The following DOCK1 variants were observed in gnomAD, a reference collection of about 807,000 sequenced individuals.
DOCK1 encodes dedicator of cytokinesis protein 1.
Under a neutral mutation model 262.7 loss-of-function variants are expected in DOCK1, and 138 were observed. The ratio of observed to expected loss-of-function variants is 0.53; its 90% CI spans 0.46 to 0.61. DOCK1 has a LOEUF of 0.61. DOCK1 is among the 20% of genes least tolerant of loss of function. The pLI is 0.00. For missense variants in DOCK1, 1,908 were observed against 2,370.7 expected (o/e 0.80, Z 4.05); for synonymous variants, 866 against 867.4 (o/e 1.00, Z 0.03).
chr10:127,415,354 C>T, intron 44 of DOCK1, 116 bp downstream of exon 44: 2 of 955,114 alleles, frequency 2.1e-6, no homozygotes, highest in South Asian at 1.6e-5. Context: ...ACACAGCAGA[C>T]TCTACAGTTC....
At chr10:127,190,529 G>A (rs181974766) in intron 27 of DOCK1, among the ~76,000 whole-genome samples, 68 of 103,912 alleles carry the variant, frequency 6.5e-4, no homozygotes, top group Middle Eastern at 0.011. Context: ...GCTGTGAATC[G>A]CTTCATCCAA....
intron 46 of DOCK1, among the ~76,000 whole-genome samples, chr10:127,424,790 G>C (rs762439847): frequency 1.3e-5 from 2 of 152,142 alleles, no homozygotes; most frequent in Non-Finnish European, 2.9e-5. Context: ...GGCCAGAAAG[G>C]CCTGACATGT....
chr10:127,023,979 C>T (rs190237803), intron 14 of DOCK1, among the ~76,000 whole-genome samples: 68 of 152,304 alleles, frequency 4.5e-4, no homozygotes, highest in Middle Eastern at 3.4e-3. Context: ...CGTGCTCTAC[C>T]TACCGGCGAT....
intron 5 of DOCK1, among the ~76,000 whole-genome samples, chr10:126,989,380 G>A (rs970585124): frequency 3.9e-5 from 6 of 152,096 alleles, no homozygotes; most frequent in African/African-American, 1.2e-4. Flanking sequence ...AGGCTAGATT[G>A]CAGTGGCATG....
Position 127,017,111 on chromosome 10 carries a change from A to G in DOCK1, c.1202-1599A>G, listed in dbSNP as rs1213453855. Among the ~76,000 whole-genome samples, 18 of 148,138 alleles carry G rather than the reference A, an allele frequency of 1.2e-4. 1 individual carries two copies. The highest frequency in any genetic ancestry group is 1.2e-3 in the Admixed American group (18 of 14,822). ...ACCACAAACACATACACACCAACAC[A>G]TGATACACCATAAAAACAGACATAC... is the stretch of plus-strand genomic sequence containing the variant. On this transcript the variant is annotated intron_variant, in intron 12 of 51. Coordinates refer to ENST00000623213, the MANE Select transcript of DOCK1 (RefSeq NM_001290223.2).
chr10:127,127,672 C>A lies in DOCK1; in HGVS notation c.2755C>A (p.Pro919Thr). 1 of 1,611,252 alleles carries A rather than the reference C, an allele frequency of 6.2e-7. No individual in the cohort carries two copies. The highest frequency in any genetic ancestry group is 8.5e-7 in the Non-Finnish European group (1 of 1,177,834). ...TCATTGGTGTGTCCTTCCCCAGGGG[C>A]CAACCCAGAGGCACGTCCAGATTAT... ...LEVLYRKDVG[P>T]TQRHVQIIME... The change falls in exon 27 of 52, where the codon CCA becomes ACA. Residue 919 changes from proline to threonine, a missense_variant. By Grantham distance (38) the Pro-to-Thr change is conservative. Around this residue, in one of 9 missense-constraint regions of DOCK1, gnomAD observed 518 missense variants for 575.1 expected, o/e 0.90. Coordinates refer to ENST00000623213, the MANE Select transcript of DOCK1 (RefSeq NM_001290223.2).
At chr10:127,034,904 G>A (rs1349217263) in intron 18 of DOCK1, among the ~76,000 whole-genome samples, 1 of 152,134 alleles carries the variant, frequency 6.6e-6, no homozygotes, top group Non-Finnish European at 1.5e-5. Flanking sequence ...CGGGGGGTGG[G>A]GTCAGTGGCA....
At chr10:127,373,498 C>A (rs1316319840) in intron 33 of DOCK1, among the ~76,000 whole-genome samples, 1 of 151,754 alleles carries the variant, frequency 6.6e-6, no homozygotes, top group Non-Finnish European at 1.5e-5. Context: ...TTTTTTCCCC[C>A]TATGGTTTCC....
intron 38 of DOCK1, among the ~76,000 whole-genome samples, chr10:127,392,081 A>G (rs2066511603): frequency 7.7e-6 from 1 of 129,828 alleles, no homozygotes. Context: ...GCACCTTCCC[A>G]TGGTCTGCCC....
rs1336701646 is a variant in DOCK1, at chr10:127,036,030, AT to A, written c.1913-1688del. Among the ~76,000 whole-genome samples, 4 of 150,874 alleles carry A rather than the reference AT, an allele frequency of 2.7e-5. No individual in the cohort carries two copies. In the South Asian group the frequency reaches 6.3e-4, roughly 24 times the overall value. On this transcript the variant is annotated intron_variant, in intron 18 of 51. Transcript: ENST00000623213. ...AATAAATAAATAAATAAATAAATAA[AT>A]AAATAAATAAATAAAAAAGAGTAGA...
chr10:127,131,225 C>T (rs73378489), intron 27 of DOCK1, among the ~76,000 whole-genome samples: 1,574 of 152,112 alleles, frequency 0.01, 25 homozygotes, highest in African/African-American at 0.036. Flanking sequence ...AAGCACTGTC[C>T]GGGAATGGAA....
chr10:127,243,054 T>C (rs1395440501), intron 27 of DOCK1, among the ~76,000 whole-genome samples: 1 of 152,198 alleles, frequency 6.6e-6, no homozygotes, highest in Non-Finnish European at 1.5e-5. Flanking sequence ...AAATCTGTGC[T>C]TTGTACAAAG....
Position 127,409,120 on chromosome 10 carries a change from C to T in DOCK1, c.4206C>T (p.Ala1402=), listed in dbSNP as rs771141839. ...GGCTCTTAACTCAGTTTCCAAACGC[C>T]GAGAAAATGAAGACAACATCTCCAC... ...EARLLTQFPN[A]EKMKTTSPPG... The change falls in exon 41 of 52, where the codon GCC becomes GCT. Residue 1402 remains alanine (A), a synonymous_variant. Transcript: ENST00000623213. The T allele has an allele frequency of 4.2e-5, 67 of 1,610,428 alleles. No homozygotes were observed. Among genetic ancestry groups the T allele is most frequent in the Non-Finnish European group, 5.3e-5 (63 of 1,178,380 alleles).
chr10:126,912,355 C>T (rs978533181), intron 1 of DOCK1, among the ~76,000 whole-genome samples: 5 of 146,666 alleles, frequency 3.4e-5, no homozygotes, highest in South Asian at 2.3e-4. Context: ...ACTGGAACCT[C>T]GGAGGCGGAG....
At chr10:127,156,541 C>T (rs1273253459) in intron 27 of DOCK1, among the ~76,000 whole-genome samples, 1 of 65,136 alleles carries the variant, frequency 1.5e-5, no homozygotes, top group African/African-American at 8.7e-5. Context: ...TCTTTTTCTT[C>T]TTCTTCTTCT....
chr10:126,910,618 T>G (rs2031629001), intron 1 of DOCK1, among the ~76,000 whole-genome samples: 1 of 152,238 alleles, frequency 6.6e-6, no homozygotes, highest in African/African-American at 2.4e-5. Flanking sequence ...CATTACTAGT[T>G]TCACCTAAGG....
chr10:127,393,443 C>T (rs966354232), intron 38 of DOCK1, among the ~76,000 whole-genome samples: 1 of 152,166 alleles, frequency 6.6e-6, no homozygotes, highest in Non-Finnish European at 1.5e-5. Flanking sequence ...GAAATGTCTA[C>T]AGCTTCCTAC....
In DOCK1 at chr10:127,275,378, C is replaced by T. The variant is rs142527264; in HGVS notation, c.3044+17949C>T. 2.4e-4 allele frequency among the ~76,000 whole-genome samples: 37 copies of T among 152,236 alleles called. No homozygotes were observed. In the East Asian group the frequency reaches 5.2e-3, roughly 22 times the overall value. ...CACTGCTCCCATGGACCAGAGCTGC[C>T]TCAGTGGAGTGGAGTGGCAGAGGAG... On this transcript the variant is annotated intron_variant, in intron 29 of 51. Transcript: ENST00000623213.
At chr10:127,183,077 T>C (rs1427506281) in intron 27 of DOCK1, among the ~76,000 whole-genome samples, 3 of 147,880 alleles carry the variant, frequency 2.0e-5, no homozygotes, top group Non-Finnish European at 3.0e-5. Context: ...GAATCTTTTT[T>C]TTTTTTTTTT....
Sources: allele counts gnomAD v4.1 joint callset (sites outside exome capture counted in the v4.1 genomes callset), GRCh38; gene constraint gnomAD v4.1.1; regional missense constraint gnomAD v4.1.1; transcripts MANE v1.5; gene names NCBI Gene and HGNC (gene_info 2026-07-23, HGNC 2026-07-21).